RABGGTB: variants seen among roughly 807,000 people sequenced by gnomAD.
RABGGTB encodes Rab geranylgeranyltransferase subunit beta, also known as geranylgeranyl transferase type-2 subunit beta.
RABGGTB carries 20 observed loss-of-function variants against 44.5 expected under a neutral mutation model. The ratio of observed to expected loss-of-function variants is 0.45; its 90% confidence interval spans 0.32 to 0.65. The LOEUF (loss-of-function observed/expected upper bound fraction) is 0.65, where lower values mean the gene tolerates loss of function less well. RABGGTB is among the 30% of genes least tolerant of loss of function. The probability of loss-of-function intolerance (pLI) is 0.05; values close to 1 mark genes in which losing one functional copy is unlikely to be tolerated. For synonymous variants in RABGGTB, 128 were observed against 136.7 expected, an observed-to-expected ratio of 0.94 and a Z score of 0.44; for missense variants, 302 against 398.7, an observed-to-expected ratio of 0.76 and a Z score of 2.06.
intron 7 of RABGGTB, chr1:75,793,729 A>G (rs981232711): frequency 1.1e-5 from 2 of 182,648 alleles, no homozygotes; most frequent in Non-Finnish European, 2.3e-5. Flanking sequence ...AAACAGAACT[A>G]TACCCATGGA....
At chr1:75,788,902 A>G (rs148905158) in intron 2 of RABGGTB, 136 of 482,524 alleles carry the variant, frequency 2.8e-4, no homozygotes, top group African/African-American at 2.3e-3. Flanking sequence ...GAGAAACTAA[A>G]GCACTGTTTG....
At chr1:75,786,737 C>A (rs762084272) in intron 1 of RABGGTB, 3 of 276,108 alleles carry the variant, frequency 1.1e-5, no homozygotes, top group Non-Finnish European at 2.1e-5. Flanking sequence ...GATATAGATA[C>A]GAAAAGAACT....
chr1:75,791,180 T>G (rs1460559962), intron 4 of RABGGTB, 105 bp from the exon 5 acceptor site: 2 of 1,001,480 alleles, frequency 2.0e-6, no homozygotes, highest in African/African-American at 3.2e-5. Context: ...AAGTGAAAGT[T>G]AAGCTTGAAC....
chr1:75,792,352 G>A, intron 7 of RABGGTB, 46 bp downstream of exon 7: 1 of 1,594,500 alleles, frequency 6.3e-7, no homozygotes, highest in Non-Finnish European at 8.6e-7. Flanking sequence ...AACCTTGAGT[G>A]AATGCTGCTG....
intron 7 of RABGGTB, among the ~76,000 whole-genome samples, chr1:75,792,549 T>TA (rs1347205310): frequency 6.6e-6 from 1 of 152,216 alleles, no homozygotes; most frequent in East Asian, 1.9e-4. Flanking sequence ...TCTCCATGTT[T>TA]AAGGACAGTT....
chr1:75,791,647 C>A, intron 6 of RABGGTB, 76 bp downstream of exon 6: 1 of 1,261,556 alleles, frequency 7.9e-7, no homozygotes, highest in Non-Finnish European at 1.1e-6. Flanking sequence ...TTGGTTATTT[C>A]AGTGTTTGTC....
intron 4 of RABGGTB, 85 bp downstream of exon 4, chr1:75,790,142 A>T (rs1394067197): frequency 1.3e-6 from 2 of 1,574,886 alleles, no homozygotes; most frequent in African/African-American, 2.7e-5. Flanking sequence ...TAAGTTTTTC[A>T]TCTTTTCAGG....
At chr1:75,794,404 C>A in intron 8 of RABGGTB, 106 bp from the exon 9 acceptor site, 1 of 1,329,040 alleles carries the variant, frequency 7.5e-7, no homozygotes. Context: ...AATTTCTTGT[C>A]GCTTGTTGCT....
intron 2 of RABGGTB, chr1:75,787,889 G>A: frequency 1.6e-6 from 1 of 630,312 alleles, no homozygotes; most frequent in South Asian, 1.4e-5. Flanking sequence ...ATACTTTCAA[G>A]GTCAATGATG....
At chr1:75,790,149 C>CCCACTA in intron 4 of RABGGTB, 92 bp downstream of exon 4, 3 of 1,563,902 alleles carry the variant, frequency 1.9e-6, no homozygotes, top group Non-Finnish European at 2.6e-6. Flanking sequence ...TTCATCTTTT[C>CCCACTA]AGGTCCCACT....
At chr1:75,792,479 C>G (rs1649669257) in intron 7 of RABGGTB, among the ~76,000 whole-genome samples, 173 bp downstream of exon 7, 1 of 152,126 alleles carries the variant, frequency 6.6e-6, no homozygotes, top group Non-Finnish European at 1.5e-5. Flanking sequence ...AAAGTAGACC[C>G]CCATGAGTTG....
chr1:75,786,584 G>A (rs78509532), intron 1 of RABGGTB: 5 of 388,440 alleles, frequency 1.3e-5, no homozygotes, highest in Non-Finnish European at 2.3e-5. Context: ...TGGAGAGGGG[G>A]TGTCAAAGAT....
intron 5 of RABGGTB, 46 bp from the exon 6 acceptor site, chr1:75,791,412 TCTG>T (rs1649642718): frequency 1.3e-6 from 2 of 1,563,770 alleles, no homozygotes; most frequent in Non-Finnish European, 1.8e-6. Flanking sequence ...TTGAGTCTGA[TCTG>T]CTGAATACTC....
At position 75,791,914 on chromosome 1, in the gene RABGGTB, C is replaced by T. The variant is rs936872325; in HGVS notation, c.580-267C>T. On this transcript the variant is annotated intron_variant, in intron 6 of 8. Transcript: ENST00000319942. The stretch of plus-strand genomic sequence containing the variant: ...TAAATTATGAACCTCTTTTCTTGTG[C>T]CAGAGAACACTGAATATGTGAATGG... The T allele has an allele frequency of 2.0e-5, 8 of 394,940 alleles. No individual in the cohort carries two copies. The South Asian group carries it at 3.7e-4, about 18-fold the overall frequency. 24.5% of individuals were successfully genotyped at this position (394,940 alleles called of 1,614,324 possible). A position where few individuals can be genotyped will look rare whatever the true frequency, so the allele number is the denominator to read the frequency against.
Position 75,794,202 on chromosome 1 carries a change from CGG to C in RABGGTB, c.829_830del (p.Gly277IlefsTer30). 6.2e-7 allele frequency: 1 copy of C among 1,613,002 alleles called. No homozygotes were observed. Among genetic ancestry groups the C allele is most frequent in the South Asian group, 1.1e-5 (1 of 90,962 alleles). On this transcript the variant is annotated frameshift_variant, in exon 8 of 9. Transcript: ENST00000319942. LOFTEE classifies it high-confidence loss of function. Reference sequence around the variant, plus strand: ...ATTTTAGCATGTCAAGATGAAGAAACGGGGGGATTTGCAGACAGGCCAGGAGA... The same window carrying C: ...ATTTTAGCATGTCAAGATGAAGAAACGGGGATTTGCAGACAGGCCAGGAGA...
rs767522044 is a variant in RABGGTB at position 75,789,535 on chromosome 1, T to C, written c.309+179T>C. 4 of 797,180 alleles carry C rather than the reference T, an allele frequency of 5.0e-6. No homozygotes were observed. In the East Asian group the frequency reaches 9.7e-5, roughly 19 times the overall value. 49.4% of individuals were successfully genotyped at this position (797,180 alleles called of 1,614,324 possible). On this transcript the variant is annotated intron_variant, in intron 3 of 8. Transcript: ENST00000319942. ...CTAAAGTTGATGTGAGTTCTAAAATTACACTGAGACCTTGGAGGGTAAAAT... is the reference window on the plus strand; with the variant it reads ...CTAAAGTTGATGTGAGTTCTAAAATCACACTGAGACCTTGGAGGGTAAAAT...
chr1:75,787,283 A>T (rs1377265454), intron 1 of RABGGTB: 1 of 624,120 alleles, frequency 1.6e-6, no homozygotes, highest in Non-Finnish European at 2.9e-6. Context: ...GATGGAGTGC[A>T]GTGACACAAC....
chr1:75,788,778 G>A (rs1413971828), intron 2 of RABGGTB: 1 of 198,128 alleles, frequency 5.0e-6, no homozygotes, highest in Non-Finnish European at 1.0e-5. Flanking sequence ...GTTTTGTACA[G>A]AGTCCACATT....
intron 6 of RABGGTB, chr1:75,791,803 C>T (rs7534288): frequency 0.023 from 10,657 of 468,764 alleles, 180 homozygotes; most frequent in Non-Finnish European, 0.031. Flanking sequence ...GGTTTATAAG[C>T]ACCAAAACAC....
Sources: gnomAD v4.1 joint callset for allele counts (sites outside exome capture counted in the v4.1 genomes callset) on GRCh38, gnomAD v4.1.1 for gene constraint, MANE v1.5 for transcripts, NCBI Gene and HGNC (gene_info 2026-07-23, HGNC 2026-07-21) for gene names.